The following TG variants were observed in gnomAD, a reference collection of about 807,000 sequenced individuals.
The protein encoded by TG is thyroglobulin, also known as thyroid hormones.
In TG, 270 loss-of-function variants were observed where a neutral mutation model predicts 324.7. The observed-to-expected ratio is 0.83, with a 90% confidence interval of 0.75 to 0.92. The LOEUF (loss-of-function observed/expected upper bound fraction) is 0.92, where lower values mean the gene tolerates loss of function less well. TG is among the 40% of genes least tolerant of loss of function. The pLI is 0.00. For synonymous variants in TG, 1,401 were observed against 1,327.0 expected (o/e 1.06, Z -1.21); for missense variants, 3,591 against 3,456.4 (o/e 1.04, Z -0.98).
At chr8:133,115,416 T>TG (rs1225563781) in intron 44 of TG, among the ~76,000 whole-genome samples, 1 of 152,056 alleles carries the variant, frequency 6.6e-6, no homozygotes, top group Non-Finnish European at 1.5e-5. Context: ...TCAGGGTGCA[T>TG]GGGGGGAAAC....
At chr8:133,020,851 C>A (rs550036222) in intron 39 of TG, among the ~76,000 whole-genome samples, 14 of 152,278 alleles carry the variant, frequency 9.2e-5, no homozygotes, top group African/African-American at 3.4e-4. Context: ...ACAGCACTTA[C>A]GGGGGCAGGT....
Position 133,102,675 on chromosome 8 carries a change from T to C in TG, c.7572+6302T>C. ...CTGTCATGGGGAATTTCTCCCCCTT[T>C]TCTCTTTCTTTCTAACTGGTGAAAT... On this transcript the variant is annotated intron_variant, in intron 43 of 47. Coordinates refer to ENST00000220616, the MANE Select transcript of TG (RefSeq NM_003235.5). 4 of 976,058 alleles carry C rather than the reference T, an allele frequency of 4.1e-6. No individual in the cohort carries two copies. The Admixed American group carries it at 8.2e-5, about 20-fold the overall frequency. 60.5% of individuals were successfully genotyped at this position (976,058 alleles called of 1,614,324 possible). A position where few individuals can be genotyped will look rare whatever the true frequency, so the allele number is the denominator to read the frequency against.
chr8:132,880,966 A>C (rs1031259083), intron 5 of TG, among the ~76,000 whole-genome samples: 1 of 152,218 alleles, frequency 6.6e-6, no homozygotes, highest in Non-Finnish European at 1.5e-5. Flanking sequence ...TTGGCCTATC[A>C]TTGTACACAG....
At chr8:133,103,723 A>G (rs1849541761) in intron 43 of TG, among the ~76,000 whole-genome samples, 1 of 152,182 alleles carries the variant, frequency 6.6e-6, no homozygotes, top group Non-Finnish European at 1.5e-5. Flanking sequence ...TTGTCCCTTA[A>G]CACCATAAGG....
intron 41 of TG, 149 bp downstream of exon 41, chr8:133,030,172 G>A (rs758004850): frequency 1.2e-5 from 12 of 1,024,788 alleles, no homozygotes; most frequent in Non-Finnish European, 1.5e-5. Context: ...AGTTTTCCAT[G>A]TATGTGTGAT....
chr8:132,982,333 A>G (rs1830972324), intron 34 of TG, among the ~76,000 whole-genome samples: 1 of 152,228 alleles, frequency 6.6e-6, no homozygotes, highest in Non-Finnish European at 1.5e-5. Context: ...CCTGTGAGCA[A>G]GGAGATCCCA....
chr8:132,902,042 A>G (rs984210749), intron 16 of TG, among the ~76,000 whole-genome samples: 1 of 152,208 alleles, frequency 6.6e-6, no homozygotes, highest in African/African-American at 2.4e-5. Flanking sequence ...AAATATTAAA[A>G]TATATTATTA....
chr8:133,029,704 A>G (rs1836439900), intron 40 of TG, 117 bp from the exon 41 acceptor site: 1 of 1,247,044 alleles, frequency 8.0e-7, no homozygotes, highest in East Asian at 2.4e-5. Flanking sequence ...ACCTGTGAGG[A>G]CAAGAGCCCA....
Position 133,102,648 on chromosome 8 carries a change from C to T in TG, c.7572+6275C>T, listed in dbSNP as rs147330217. 17 of 1,318,746 alleles carry T rather than the reference C, an allele frequency of 1.3e-5. No homozygotes were observed. The Admixed American group carries it at 2.0e-4, about 15-fold the overall frequency. 81.7% of individuals were successfully genotyped at this position (1,318,746 alleles called of 1,614,324 possible). ...CTTTCTATTGAAATTCTTCATCAGT[C>T]GCTGTCATGGGGAATTTCTCCCCCT... On this transcript the variant is annotated intron_variant, in intron 43 of 47. Coordinates refer to ENST00000220616, the MANE Select transcript of TG (RefSeq NM_003235.5).
chr8:132,983,441 A>G (rs1564036612), intron 35 of TG, 29 bp downstream of exon 35: 1 of 1,599,406 alleles, frequency 6.3e-7, no homozygotes. Flanking sequence ...TATCTCTTGG[A>G]TGAGAGTACC....
chr8:133,024,061 A>G (rs1420173086), intron 40 of TG, among the ~76,000 whole-genome samples: 1 of 152,238 alleles, frequency 6.6e-6, no homozygotes, highest in Non-Finnish European at 1.5e-5. Context: ...TATTTCTCAC[A>G]GGAGATCTCT....
chr8:133,057,780 A>AAC (rs1554711743), intron 41 of TG, among the ~76,000 whole-genome samples: 3 of 151,966 alleles, frequency 2.0e-5, no homozygotes, highest in Non-Finnish European at 2.9e-5. Context: ...AAAACAAAAA[A>AAC]AAAAAAACAA....
At chr8:132,964,432 C>T (rs1278781021) in intron 29 of TG, among the ~76,000 whole-genome samples, 1 of 152,110 alleles carries the variant, frequency 6.6e-6, no homozygotes, top group East Asian at 1.9e-4. Context: ...TGAGTCCAGG[C>T]CGAGTGGCAT....
chr8:132,900,402 C>A, intron 15 of TG, 63 bp downstream of exon 15: 1 of 1,483,718 alleles, frequency 6.7e-7, no homozygotes, highest in Non-Finnish European at 9.2e-7. Flanking sequence ...AGCGTGGAGT[C>A]CAAAGAGCTG....
chr8:132,874,501 G>T (rs1257326906), intron 5 of TG, among the ~76,000 whole-genome samples: 3 of 152,178 alleles, frequency 2.0e-5, no homozygotes, highest in Non-Finnish European at 4.4e-5. Context: ...TGCAAAGACT[G>T]ATATGAATTC....
intron 41 of TG, chr8:133,045,195 G>A: frequency 6.6e-7 from 1 of 1,506,918 alleles, no homozygotes; most frequent in East Asian, 2.3e-5. Flanking sequence ...CACCACCACT[G>A]AGGCAGGGAG....
chr8:132,989,439 G>T (rs1410939640), intron 35 of TG, among the ~76,000 whole-genome samples: 3 of 152,226 alleles, frequency 2.0e-5, no homozygotes, highest in Admixed American at 2.0e-4. Flanking sequence ...GTGCAGCACA[G>T]GTTGCTGCTG....
chr8:133,115,958 G>A (rs1014398127), intron 44 of TG, among the ~76,000 whole-genome samples: 32 of 151,946 alleles, frequency 2.1e-4, no homozygotes, highest in African/African-American at 7.5e-4. Flanking sequence ...TTCTTATGTG[G>A]CTCCCTTTTC....
intron 41 of TG, among the ~76,000 whole-genome samples, chr8:133,039,632 G>A (rs1345364519): frequency 1.3e-5 from 2 of 152,168 alleles, no homozygotes; most frequent in Non-Finnish European, 2.9e-5. Flanking sequence ...TTGTGAGTGG[G>A]TTTTAAATAA....
Sources: allele counts gnomAD v4.1 joint callset (sites outside exome capture counted in the v4.1 genomes callset), GRCh38; gene constraint gnomAD v4.1.1; transcripts MANE v1.5; gene names NCBI Gene and HGNC (gene_info 2026-07-23, HGNC 2026-07-21).